IL1R1: variants seen among roughly 807,000 people sequenced by gnomAD.
IL1R1 encodes interleukin-1 receptor type 1.
Under a neutral mutation model 50.2 loss-of-function variants are expected in IL1R1, and 22 were observed. The observed-to-expected ratio is 0.44, with a 90% CI of 0.31 to 0.63. IL1R1 has a LOEUF of 0.63. IL1R1 is among the 20% of genes least tolerant of loss of function. The probability of loss-of-function intolerance (pLI) is 0.07; values close to 1 mark genes in which losing one functional copy is unlikely to be tolerated. For missense variants in IL1R1, 509 were observed against 676.2 expected (o/e 0.75, Z 2.74); for synonymous variants, 251 against 236.7 (o/e 1.06, Z -0.55).
intron 1 of IL1R1, among the ~76,000 whole-genome samples, chr2:102,152,111 A>T (rs1321770091): frequency 6.6e-6 from 1 of 152,082 alleles, no homozygotes; most frequent in Non-Finnish European, 1.5e-5. Context: ...TAGAGGGCAC[A>T]TGGTGGTCGC....
intron 7 of IL1R1, among the ~76,000 whole-genome samples, chr2:102,169,375 C>T (rs1331098934): frequency 4.6e-5 from 7 of 152,208 alleles, no homozygotes. Context: ...TAAATTAAGT[C>T]AATTGATTCA....
rs1426015077 is a variant in IL1R1, at chr2:102,127,323, T to G, written c.-84+22451T>G. On this transcript the variant is annotated intron_variant, in intron 1 of 10. Transcript: ENST00000409329. ...ACTATAACTGGTTGTGGAAAAGAGT[T>G]GAGGGAGAGAAGAGAAAATATTATT... Among the ~76,000 whole-genome samples, 4 of 152,204 alleles carry G rather than the reference T, an allele frequency of 2.6e-5. No homozygotes were observed. The South Asian group carries it at 6.2e-4, about 24-fold the overall frequency.
intron 1 of IL1R1, among the ~76,000 whole-genome samples, chr2:102,118,802 G>C (rs563751704): frequency 2.6e-5 from 4 of 152,058 alleles, no homozygotes. Flanking sequence ...AGGATCATGA[G>C]GTCAGGAGAT....
At chr2:102,147,055 G>A (rs1307750791) in intron 1 of IL1R1, among the ~76,000 whole-genome samples, 4 of 152,202 alleles carry the variant, frequency 2.6e-5, no homozygotes, top group African/African-American at 7.2e-5. Context: ...ATGCACTTCC[G>A]TTGCTTGCTG....
chr2:102,165,032 C>A (rs1422644349), intron 4 of IL1R1, 24 bp downstream of exon 4: 2 of 1,591,612 alleles, frequency 1.3e-6, no homozygotes, highest in Non-Finnish European at 8.6e-7. Context: ...TAGTATGTTA[C>A]AAACATGTTC....
chr2:102,112,419 G>T (rs1362602188), intron 1 of IL1R1, among the ~76,000 whole-genome samples: 1 of 151,850 alleles, frequency 6.6e-6, no homozygotes, highest in Admixed American at 6.6e-5. Flanking sequence ...AATGGATCAG[G>T]TTTCCATGGA....
chr2:102,127,712 A>G (rs1354508695), intron 1 of IL1R1, among the ~76,000 whole-genome samples: 2 of 151,096 alleles, frequency 1.3e-5, no homozygotes, highest in East Asian at 3.9e-4. Flanking sequence ...TGCAACATCC[A>G]ATGATCTGGG....
chr2:102,166,105 T>C lies in IL1R1; in HGVS notation c.487-8T>C, dbSNP rs1360830412. On this transcript the variant is annotated splice_region_variant and splice_polypyrimidine_tract_variant and intron_variant, in intron 5 of 11. Coordinates refer to ENST00000410023, the MANE Select transcript of IL1R1 (RefSeq NM_000877.4). ...TGGTTTTCAATGCTTCTCTCTCCCT[T>C]TATCTAGGATTGCAAACCTCTACTT... is the stretch of plus-strand genomic sequence containing the variant. 2.5e-6 allele frequency: 4 copies of C among 1,609,066 alleles called. No individual in the cohort carries two copies. The highest frequency in any genetic ancestry group is 2.5e-6 in the Non-Finnish European group (3 of 1,176,532).
intron 3 of IL1R1, among the ~76,000 whole-genome samples, chr2:102,162,689 C>T (rs1684837347): frequency 6.6e-6 from 1 of 151,580 alleles, no homozygotes; most frequent in South Asian, 2.1e-4. Context: ...GAGTATATAC[C>T]CATTTCTCCT....
chr2:102,100,277 C>T (rs1006866922), upstream of IL1R1, among the ~76,000 whole-genome samples: 1 of 152,196 alleles, frequency 6.6e-6, no homozygotes, highest in Non-Finnish European at 1.5e-5. Flanking sequence ...TCTGTACTCT[C>T]CACAATTGAA....
intron 1 of IL1R1, among the ~76,000 whole-genome samples, chr2:102,108,937 T>A (rs1182865326): frequency 7.1e-6 from 1 of 140,100 alleles, no homozygotes; most frequent in African/African-American, 2.8e-5. Flanking sequence ...TGGTTTGAAC[T>A]TGGTACTGAA....
chr2:102,173,361 T>C (rs555032672), intron 9 of IL1R1, among the ~76,000 whole-genome samples: 1 of 152,186 alleles, frequency 6.6e-6, no homozygotes, highest in Non-Finnish European at 1.5e-5. Context: ...TTTAAGGTAA[T>C]TTGTGGTTTA....
chr2:102,114,233 T>G (rs528762052), intron 1 of IL1R1, among the ~76,000 whole-genome samples: 2 of 152,314 alleles, frequency 1.3e-5, no homozygotes, highest in African/African-American at 4.8e-5. Context: ...ACAAATGAAA[T>G]GCATATCATA....
At chr2:102,129,486 C>A (rs115590460) in intron 1 of IL1R1, among the ~76,000 whole-genome samples, 4 of 152,086 alleles carry the variant, frequency 2.6e-5, no homozygotes, top group Non-Finnish European at 5.9e-5. Flanking sequence ...AAGAAAGCTG[C>A]GGTGCAGTAA....
intron 1 of IL1R1, among the ~76,000 whole-genome samples, chr2:102,105,861 A>T (rs768466979): frequency 1.5e-4 from 23 of 152,188 alleles, no homozygotes; most frequent in Admixed American, 4.6e-4. Context: ...ATGCACTCTC[A>T]GAGGGGATTA....
In IL1R1 at chr2:102,171,853, T is replaced by G; in HGVS notation, c.774T>G (p.Ala258=). Reference sequence around the variant, plus strand: ...TCACCGGCCAGTTGAGTGACATTGCTTACTGGAAGTGGAATGGGTCAGTAA... The same window carrying G: ...TCACCGGCCAGTTGAGTGACATTGCGTACTGGAAGTGGAATGGGTCAGTAA... The part of the protein sequence containing the change: ...CNVTGQLSDI[A]YWKWNGSVID... The change falls in exon 8 of 12, where the codon GCT becomes GCG. Residue 258 remains alanine (A), a synonymous_variant. Coordinates refer to ENST00000410023, the MANE Select transcript of IL1R1 (RefSeq NM_000877.4). The G allele has an allele frequency of 1.2e-6, 2 of 1,610,412 alleles. No homozygotes were observed. Among genetic ancestry groups the G allele is most frequent in the South Asian group, 1.1e-5 (1 of 90,778 alleles).
At chr2:102,142,240 G>A (rs1682704184), upstream of IL1R1, 1 of 152,240 alleles carries the variant, frequency 6.6e-6, no homozygotes, top group East Asian at 1.9e-4. Context: ...CATGAGATGA[G>A]TGCTCTTATG....
intron 1 of IL1R1, among the ~76,000 whole-genome samples, chr2:102,082,672 G>A (rs1679266299): frequency 6.6e-6 from 1 of 152,088 alleles, no homozygotes; most frequent in South Asian, 2.1e-4. Flanking sequence ...GAGTCTTATT[G>A]TGCCATAGTA....
At chr2:102,123,623 A>G (rs1681524862) in intron 1 of IL1R1, among the ~76,000 whole-genome samples, 1 of 152,112 alleles carries the variant, frequency 6.6e-6, no homozygotes, top group African/African-American at 2.4e-5. Flanking sequence ...TAAAAATACA[A>G]AAATGTTAGC....
Sources: allele counts gnomAD v4.1 joint callset (sites outside exome capture counted in the v4.1 genomes callset), GRCh38; gene constraint gnomAD v4.1.1; transcripts MANE v1.5; gene names NCBI Gene and HGNC (gene_info 2026-07-23, HGNC 2026-07-21).